The following CMYA5 variants were observed in gnomAD, a reference collection of about 807,000 sequenced individuals.
CMYA5 encodes cardiomyopathy associated 5.
In CMYA5, 246 loss-of-function variants were observed where a neutral mutation model predicts 318.9. The observed-to-expected ratio is 0.77, with a 90% CI of 0.70 to 0.86. The LOEUF (loss-of-function observed/expected upper bound fraction) is 0.86. CMYA5 is among the 40% of genes least tolerant of loss of function. The pLI is 0.00. For synonymous variants in CMYA5, 1,641 were observed against 1,729.5 expected, an observed-to-expected ratio of 0.95 and a Z score of 1.27; for missense variants, 4,589 against 4,678.2, an observed-to-expected ratio of 0.98 and a Z score of 0.56.
rs1561207961 is a variant in CMYA5 at position 79,732,376 on chromosome 5, T to C, written c.3611T>C (p.Val1204Ala). 1 of 1,613,662 alleles carries C rather than the reference T, an allele frequency of 6.2e-7. No homozygotes were observed. The change falls in exon 2 of 13, where the codon GTC (valine) becomes GCC (alanine). Residue 1204 changes from valine to alanine, a missense_variant. This residue lies in a region of CMYA5 where 2,132 missense variants were observed against 2,131.3 expected (regional missense o/e 1.00). Transcript: ENST00000446378. ...GATGAACAGATGGCTTTGTCAAAAG[T>C]CAGAAAGGAAGAAATTGTGCCTGAT... ...AADEQMALSK[V>A]RKEEIVPDSQ...
In CMYA5 at chr5:79,729,140, G is replaced by A. The variant is rs1827814668; in HGVS notation, c.375G>A (p.Val125=). 2 of 1,612,646 alleles carry A rather than the reference G, an allele frequency of 1.2e-6. No individual in the cohort carries two copies. The highest frequency in any genetic ancestry group is 1.1e-5 in the South Asian group (1 of 90,812). ...NSPPGNVSFI[V]DEVKKVRKRT... ...CTCCTGGAAATGTTTCCTTTATTGT[G>A]GATGAAGTGAAAAAGGTTCGGAAAA... is the stretch of plus-strand genomic sequence containing the variant. Residue 125 remains valine, a synonymous_variant, in exon 2 of 13, where the codon GTG becomes GTA. Coordinates refer to ENST00000446378, the MANE Select transcript of CMYA5 (RefSeq NM_153610.5).
At chr5:79,690,691 G>A (rs549974999) in intron 1 of CMYA5, among the ~76,000 whole-genome samples, 1 of 152,206 alleles carries the variant, frequency 6.6e-6, no homozygotes, top group East Asian at 1.9e-4. Context: ...CCTTTAAGAA[G>A]GCCCTAAAAT....
chr5:79,719,030 T>C (rs1365139088), intron 1 of CMYA5, among the ~76,000 whole-genome samples: 1 of 152,180 alleles, frequency 6.6e-6, no homozygotes, highest in Non-Finnish European at 1.5e-5. Context: ...TGTTGTTAAG[T>C]GACACGTGTT....
chr5:79,796,722 T>G (rs1441436766), intron 12 of CMYA5, among the ~76,000 whole-genome samples: 1 of 152,224 alleles, frequency 6.6e-6, no homozygotes, highest in African/African-American at 2.4e-5. Context: ...TTTACCTTCA[T>G]GAAGCTAATA....
chr5:79,698,278 A>C (rs1252071419), intron 1 of CMYA5, among the ~76,000 whole-genome samples: 1 of 151,130 alleles, frequency 6.6e-6, no homozygotes, highest in African/African-American at 2.5e-5. Flanking sequence ...TTTTGGGCAT[A>C]AATCAGGTTA....
At chr5:79,789,315 A>G (rs1160757223) in intron 10 of CMYA5, among the ~76,000 whole-genome samples, 6 of 152,228 alleles carry the variant, frequency 3.9e-5, no homozygotes, top group South Asian at 4.1e-4. Flanking sequence ...CCTGTTAGCA[A>G]TCAGCCAGGG....
At chr5:79,748,638 G>A (rs1263710533) in intron 5 of CMYA5, among the ~76,000 whole-genome samples, 1 of 152,046 alleles carries the variant, frequency 6.6e-6, no homozygotes, top group Non-Finnish European at 1.5e-5. Flanking sequence ...CACCTCCCGG[G>A]TTTAAGCAAT....
rs761013856 is a variant in CMYA5, at chr5:79,731,371, C to A, written c.2606C>A (p.Ala869Asp). ...HTTEMTSECQ[A>D]PPLSATPSEY... ...ACCGAGATGACTTCTGAATGCCAGG[C>A]CCCACCACTTTCAGCCACCCCATCT... The change falls in exon 2 of 13, where the codon GCC becomes GAC. Residue 869 changes from alanine (A) to aspartate (D), a missense_variant. Coordinates refer to ENST00000446378, the MANE Select transcript of CMYA5 (RefSeq NM_153610.5). 2.5e-6 allele frequency: 4 copies of A among 1,613,770 alleles called. No individual in the cohort carries two copies. Among genetic ancestry groups the A allele is most frequent in the Non-Finnish European group, 3.4e-6 (4 of 1,179,892 alleles).
In CMYA5 at chr5:79,729,588, A is replaced by G; in HGVS notation, c.823A>G (p.Asn275Asp). 6.2e-7 allele frequency: 1 copy of G among 1,613,666 alleles called. No individual in the cohort carries two copies. Among genetic ancestry groups the G allele is most frequent in the South Asian group, 1.1e-5 (1 of 91,084 alleles). Residue 275 changes from asparagine to aspartate, a missense_variant, in exon 2 of 13, where the codon AAT becomes GAT. Physicochemically the swap from Asn to Asp is conservative, Grantham distance 23. This residue lies in a region of CMYA5 where 2,132 missense variants were observed against 2,131.3 expected (regional missense o/e 1.00). Coordinates refer to ENST00000446378, the MANE Select transcript of CMYA5 (RefSeq NM_153610.5). The part of the protein sequence containing the change: ...ASISLEPDLD[N>D]SGSNTVSKTR... Reference sequence around the variant, plus strand: ...CATTAGTCTAGAGCCAGATTTGGACAATAGTGGTTCTAATACAGTGTCCAA... The same window carrying G: ...CATTAGTCTAGAGCCAGATTTGGACGATAGTGGTTCTAATACAGTGTCCAA...
chr5:79,708,014 A>G (rs1324356750), intron 1 of CMYA5, among the ~76,000 whole-genome samples: 1 of 152,178 alleles, frequency 6.6e-6, no homozygotes, highest in Non-Finnish European at 1.5e-5. Flanking sequence ...TGCCAATCCC[A>G]TTTGTGAAGC....
At position 79,745,453 on chromosome 5, in the gene CMYA5, A is replaced by C; in HGVS notation, c.10966A>C (p.Thr3656Pro). ...AEELDEAVFL[T>P]SFEEINERLL... The stretch of plus-strand genomic sequence containing the variant: ...GGAGCTTGATGAGGCCGTCTTCCTG[A>C]CTGTAAGTGCCAAGTAAAATGGGCT... Residue 3656 changes from threonine to proline, a missense_variant and splice_region_variant, in exon 4 of 13, where the codon ACT becomes CCT. Thr to Pro is a conservative substitution (Grantham distance 38). Coordinates refer to ENST00000446378, the MANE Select transcript of CMYA5 (RefSeq NM_153610.5). 6.2e-7 allele frequency: 1 copy of C among 1,611,632 alleles called. No individual in the cohort carries two copies. The highest frequency in any genetic ancestry group is 8.5e-7 in the Non-Finnish European group (1 of 1,177,814).
intron 10 of CMYA5, among the ~76,000 whole-genome samples, chr5:79,789,626 T>C (rs1433497681): frequency 6.6e-6 from 1 of 152,080 alleles, no homozygotes; most frequent in African/African-American, 2.4e-5. Flanking sequence ...GTTTTTGCCA[T>C]GTTGGCCAGG....
At position 79,733,081 on chromosome 5, in the gene CMYA5, C is replaced by T. The variant is rs1480409844; in HGVS notation, c.4316C>T (p.Ala1439Val). The T allele has an allele frequency of 1.9e-6, 3 of 1,613,468 alleles. No individual in the cohort carries two copies. Among genetic ancestry groups the T allele is most frequent in the Non-Finnish European group, 2.5e-6 (3 of 1,179,740 alleles). Residue 1439 changes from alanine (A) to valine (V), a missense_variant, in exon 2 of 13, where the codon GCA becomes GTA. Around this residue, in one of 3 missense-constraint regions of CMYA5, gnomAD observed 2,132 missense variants for 2,131.3 expected, o/e 1.00. Transcript: ENST00000446378. The part of the protein sequence containing the change: ...TSSKHLAWSE[A>V]EKEIKFDSLP... Reference sequence around the variant, plus strand: ...TCCAAACATTTAGCTTGGTCAGAAGCAGAGAAGGAAATTAAATTTGATTCA... The same window carrying T: ...TCCAAACATTTAGCTTGGTCAGAAGTAGAGAAGGAAATTAAATTTGATTCA...
chr5:79,789,098 A>C lies in CMYA5; in HGVS notation c.11683A>C (p.Thr3895Pro), dbSNP rs1314915174. 3 of 1,613,776 alleles carry C rather than the reference A, an allele frequency of 1.9e-6. No homozygotes were observed. The highest frequency in any genetic ancestry group is 2.5e-6 in the Non-Finnish European group (3 of 1,179,808). ...SEQSEAALIS[T>P]RGTRFLLLRE... ...ACAGAGTGAAGCTGCTCTCATCTCC[A>C]CCAGAGGTACTTTCTCCTTTGCACA... Residue 3895 changes from threonine (T) to proline (P), a missense_variant, in exon 10 of 13, where the codon ACC (threonine) becomes CCC (proline). Transcript: ENST00000446378.
At chr5:79,728,571 A>G (rs115963234) in intron 1 of CMYA5, among the ~76,000 whole-genome samples, 167 of 152,226 alleles carry the variant, frequency 1.1e-3, no homozygotes, top group African/African-American at 3.9e-3. Flanking sequence ...AAGAGTTATT[A>G]TGAAGATGCT....
rs776331691 is a variant in CMYA5, at chr5:79,732,957, A to G, written c.4192A>G (p.Ser1398Gly). The G allele has an allele frequency of 1.2e-6, 2 of 1,613,622 alleles. No homozygotes were observed. Among genetic ancestry groups the G allele is most frequent in the Non-Finnish European group, 1.7e-6 (2 of 1,179,746 alleles). ...LTKVGKGELG[S>G]GLPPLVTSAD... is the part of the protein sequence containing the mutation. ...AAAAGTAGGAAAGGGTGAATTAGGAAGTGGTTTGCCACCACTGGTAACATC... is the reference window on the plus strand; with the variant it reads ...AAAAGTAGGAAAGGGTGAATTAGGAGGTGGTTTGCCACCACTGGTAACATC... The change falls in exon 2 of 13, where the codon AGT (serine) becomes GGT (glycine). Residue 1398 changes from serine (S) to glycine (G), a missense_variant. Ser to Gly is a moderately conservative substitution (Grantham distance 56, BLOSUM62 0). Coordinates refer to ENST00000446378, the MANE Select transcript of CMYA5 (RefSeq NM_153610.5).
chr5:79,714,951 TA>T (rs1827485251), intron 1 of CMYA5, among the ~76,000 whole-genome samples: 1 of 152,204 alleles, frequency 6.6e-6, no homozygotes, highest in African/African-American at 2.4e-5. Flanking sequence ...AAGGCTCATT[TA>T]AAAAATTTGT....
intron 1 of CMYA5, among the ~76,000 whole-genome samples, chr5:79,701,787 C>T (rs1014183382): frequency 3.3e-5 from 5 of 152,140 alleles, no homozygotes; most frequent in Non-Finnish European, 7.3e-5. Context: ...CATCATTATT[C>T]ATAATAGCCA....
At chr5:79,691,313 A>C (rs948479629) in intron 1 of CMYA5, among the ~76,000 whole-genome samples, 3 of 152,348 alleles carry the variant, frequency 2.0e-5, no homozygotes, top group East Asian at 1.9e-4. Flanking sequence ...CTGTCAACTC[A>C]GCTTTTATAA....
Sources: gnomAD v4.1 joint callset for allele counts (sites outside exome capture counted in the v4.1 genomes callset) on GRCh38, gnomAD v4.1.1 for gene constraint, gnomAD v4.1.1 regional missense constraint, MANE v1.5 for transcripts, NCBI Gene and HGNC (gene_info 2026-07-23, HGNC 2026-07-21) for gene names.